JARID2: variants seen among roughly 807,000 people sequenced by gnomAD.
JARID2 encodes protein Jumonji.
Under a neutral mutation model 125.6 loss-of-function variants are expected in JARID2, and 21 were observed. The ratio of observed to expected loss-of-function variants is 0.17; its 90% CI spans 0.12 to 0.24. JARID2 has a LOEUF of 0.24. JARID2 is among the 10% of genes least tolerant of loss of function. JARID2 has a pLI of 1.00. For synonymous variants in JARID2, 736 were observed against 661.6 expected, an observed-to-expected ratio of 1.11 and a Z score of -1.73; for missense variants, 1,303 against 1,639.6, an observed-to-expected ratio of 0.79 and a Z score of 3.55.
chr6:15,484,278 C>T (rs935161987), intron 5 of JARID2, among the ~76,000 whole-genome samples: 6 of 152,208 alleles, frequency 3.9e-5, no homozygotes, highest in Admixed American at 1.3e-4. Flanking sequence ...TGTTAGGAGG[C>T]ACCTGGCTCT....
chr6:15,336,678 G>A (rs1762890138), intron 1 of JARID2, among the ~76,000 whole-genome samples: 1 of 149,194 alleles, frequency 6.7e-6, no homozygotes, highest in Non-Finnish European at 1.5e-5. Flanking sequence ...AATAGATTTG[G>A]CAGTATACAG....
At chr6:15,248,092 G>A in intron 1 of JARID2, 1 of 985,372 alleles carries the variant, frequency 1.0e-6, no homozygotes, top group Non-Finnish European at 1.2e-6. Flanking sequence ...GGCGTTCAGC[G>A]GATCGTGTCT....
At chr6:15,369,279 G>A (rs1310669723) in intron 1 of JARID2, 4 of 456,192 alleles carry the variant, frequency 8.8e-6, no homozygotes, top group East Asian at 5.7e-5. Flanking sequence ...TAACCACTTG[G>A]CACAGTGTTT....
chr6:15,323,739 A>C (rs1762432866), intron 1 of JARID2, among the ~76,000 whole-genome samples: 2 of 152,140 alleles, frequency 1.3e-5, no homozygotes, highest in Admixed American at 1.3e-4. Flanking sequence ...TACTCAAAAT[A>C]CAAAAATTAG....
At chr6:15,247,409 T>G in intron 1 of JARID2, 13 of 980,878 alleles carry the variant, frequency 1.3e-5, no homozygotes, top group African/African-American at 1.8e-5. Flanking sequence ...GTGTTTTTGT[T>G]TTGTGTGTGG....
intron 1 of JARID2, among the ~76,000 whole-genome samples, chr6:15,367,152 A>G (rs1764010648): frequency 6.6e-6 from 1 of 152,202 alleles, no homozygotes; most frequent in Non-Finnish European, 1.5e-5. Context: ...GTGAAGCATG[A>G]GTGTCTAAGG....
chr6:15,500,472 C>T (rs555072213), intron 7 of JARID2, among the ~76,000 whole-genome samples: 10 of 152,188 alleles, frequency 6.6e-5, no homozygotes, highest in South Asian at 2.1e-4. Context: ...TTCTAGGTGA[C>T]GCTGGGCCGT....
intron 5 of JARID2, among the ~76,000 whole-genome samples, chr6:15,485,446 G>A (rs950855463): frequency 6.6e-6 from 1 of 152,206 alleles, no homozygotes; most frequent in Non-Finnish European, 1.5e-5. Context: ...TTGGTTTGAA[G>A]GGAGAGAGAA....
intron 5 of JARID2, among the ~76,000 whole-genome samples, chr6:15,469,750 C>G (rs756628915): frequency 6.6e-6 from 1 of 152,034 alleles, no homozygotes. Context: ...TAATTGTAGG[C>G]AATTCCCTGA....
At chr6:15,341,103 A>G (rs1041591408) in intron 1 of JARID2, among the ~76,000 whole-genome samples, 3 of 152,220 alleles carry the variant, frequency 2.0e-5, no homozygotes, top group Non-Finnish European at 4.4e-5. Flanking sequence ...GTGATGTTAG[A>G]AAAAGTGTTA....
intron 1 of JARID2, among the ~76,000 whole-genome samples, chr6:15,360,529 C>G (rs1763756672): frequency 6.6e-6 from 1 of 152,160 alleles, no homozygotes; most frequent in African/African-American, 2.4e-5. Flanking sequence ...GTTGCCCAAA[C>G]TGGAGTATAG....
chr6:15,513,753 C>T (rs1177511864), intron 16 of JARID2, among the ~76,000 whole-genome samples: 1 of 152,274 alleles, frequency 6.6e-6, no homozygotes, highest in African/African-American at 2.4e-5. Flanking sequence ...TGCTCTTACC[C>T]ATTCTTTCTG....
chr6:15,275,141 T>TGCAAAA (rs1473168366), intron 1 of JARID2, among the ~76,000 whole-genome samples: 6 of 152,182 alleles, frequency 3.9e-5, no homozygotes, highest in Non-Finnish European at 7.3e-5. Flanking sequence ...GAAGAGCTGT[T>TGCAAAA]TGATCTCTCC....
intron 1 of JARID2, among the ~76,000 whole-genome samples, chr6:15,372,021 T>C (rs559387392): frequency 5.8e-4 from 88 of 152,354 alleles, no homozygotes; most frequent in Non-Finnish European, 9.6e-4. Flanking sequence ...GGAGAATTAC[T>C]CTCATTCTAG....
chr6:15,391,067 A>G (rs773251199), intron 2 of JARID2, among the ~76,000 whole-genome samples: 1 of 152,252 alleles, frequency 6.6e-6, no homozygotes, highest in Non-Finnish European at 1.5e-5. Flanking sequence ...GTAGATATAC[A>G]GTACCCCGTG....
intron 1 of JARID2, among the ~76,000 whole-genome samples, chr6:15,298,522 A>G (rs575225245): frequency 1.8e-4 from 27 of 152,064 alleles, no homozygotes; most frequent in Admixed American, 1.5e-3. Context: ...TCTAGGAAAA[A>G]TACAAAAATT....
chr6:15,465,505 G>A (rs896188862), intron 4 of JARID2, among the ~76,000 whole-genome samples: 6 of 151,302 alleles, frequency 4.0e-5, no homozygotes, highest in East Asian at 1.9e-4. Context: ...TGAACTGAGC[G>A]TCTAGATATT....
At chr6:15,420,644 A>C (rs2127586807) in intron 3 of JARID2, among the ~76,000 whole-genome samples, 1 of 152,236 alleles carries the variant, frequency 6.6e-6, no homozygotes, top group Middle Eastern at 3.4e-3. Flanking sequence ...ACAGACACTA[A>C]ATTTTTCTCT....
chr6:15,283,851 G>A (rs371706511), intron 1 of JARID2, among the ~76,000 whole-genome samples: 17 of 151,394 alleles, frequency 1.1e-4, no homozygotes, highest in African/African-American at 3.4e-4. Flanking sequence ...GACTACAGGC[G>A]CCTGCCACCA....
Sources: allele counts gnomAD v4.1 joint callset (sites outside exome capture counted in the v4.1 genomes callset), GRCh38; gene constraint gnomAD v4.1.1; transcripts MANE v1.5; gene names NCBI Gene and HGNC (gene_info 2026-07-23, HGNC 2026-07-21).